SNTG1: variants seen among roughly 807,000 people sequenced by gnomAD.
The protein encoded by SNTG1 is syntrophin gamma 1.
Under a neutral mutation model 74.7 loss-of-function variants are expected in SNTG1, and 39 were observed. The ratio of observed to expected loss-of-function variants is 0.52; its 90% CI spans 0.40 to 0.68. SNTG1 has a LOEUF of 0.68. Ranked by LOEUF, SNTG1 falls within the 30% of genes least tolerant of loss-of-function variation. The pLI, the probability that SNTG1 is intolerant of heterozygous loss-of-function variation, is 0.00. For missense variants in SNTG1, 685 were observed against 609.5 expected (o/e 1.12, Z -1.30); for synonymous variants, 254 against 217.1 (o/e 1.17, Z -1.49).
chr8:50,513,802 A>G (rs1226427154), intron 9 of SNTG1, among the ~76,000 whole-genome samples: 1 of 152,192 alleles, frequency 6.6e-6, no homozygotes, highest in East Asian at 1.9e-4. Flanking sequence ...AATTTTCCAG[A>G]TGCTATCTGT....
At chr8:50,252,473 GA>G (rs997067057) in intron 2 of SNTG1, among the ~76,000 whole-genome samples, 6 of 150,112 alleles carry the variant, frequency 4.0e-5, no homozygotes, top group East Asian at 1.9e-4. Context: ...GATTAACTGA[GA>G]AAAAAAGAGA....
chr8:49,938,558 T>TTTTC (rs1808309760), intron 1 of SNTG1, among the ~76,000 whole-genome samples: 1 of 24,730 alleles, frequency 4.0e-5, no homozygotes, highest in Admixed American at 5.1e-4. Context: ...TTTTCTTTTG[T>TTTTC]TTTCTTTTCT....
intron 1 of SNTG1, among the ~76,000 whole-genome samples, chr8:49,990,901 T>C (rs752352919): frequency 6.6e-6 from 1 of 152,130 alleles, no homozygotes; most frequent in East Asian, 1.9e-4. Context: ...TTCTTAGATA[T>C]GGCCAATAAG....
At chr8:50,650,388 G>A (rs549144560) in intron 13 of SNTG1, among the ~76,000 whole-genome samples, 27 of 151,986 alleles carry the variant, frequency 1.8e-4, no homozygotes, top group South Asian at 1.7e-3. Context: ...AAATATTCTT[G>A]TCAGGTGCTG....
At chr8:50,250,034 C>T (rs1323761783) in intron 2 of SNTG1, among the ~76,000 whole-genome samples, 4 of 150,416 alleles carry the variant, frequency 2.7e-5, no homozygotes, top group Non-Finnish European at 5.9e-5. Context: ...CAAGAAAACT[C>T]AGGGAGATAT....
chr8:50,103,259 T>C (rs2080221028), intron 1 of SNTG1, among the ~76,000 whole-genome samples: 1 of 152,232 alleles, frequency 6.6e-6, no homozygotes, highest in South Asian at 2.1e-4. Context: ...GTAGTTCTTC[T>C]TGAAGAGGTC....
In SNTG1 at chr8:50,342,747, A is replaced by C. The variant is rs189164613; in HGVS notation, c.-27-51465A>C. ...ATAAGTTAAAAATAACTTTGCAAGAAAAAAAGGATCACCATAGTAGTATTT... is the reference window on the plus strand; with the variant it reads ...ATAAGTTAAAAATAACTTTGCAAGACAAAAAGGATCACCATAGTAGTATTT... On this transcript the variant is annotated intron_variant, in intron 2 of 18. Transcript: ENST00000642720. Among the ~76,000 whole-genome samples the C allele has an allele frequency of 5.9e-4, 90 of 152,286 alleles. 1 individual carries two copies. The highest frequency in any genetic ancestry group is 5.9e-5 in the Non-Finnish European group (4 of 68,006).
At chr8:50,565,980 A>G (rs1475042506) in intron 12 of SNTG1, among the ~76,000 whole-genome samples, 2 of 151,986 alleles carry the variant, frequency 1.3e-5, no homozygotes, top group East Asian at 3.9e-4. Context: ...TTTTTACGGA[A>G]ATTTTCACTT....
chr8:50,755,352 A>C (rs1019684476), intron 18 of SNTG1, among the ~76,000 whole-genome samples: 2 of 151,596 alleles, frequency 1.3e-5, no homozygotes, highest in African/African-American at 4.8e-5. Context: ...GTTGGATCAT[A>C]CAATAGTTAC....
intron 4 of SNTG1, among the ~76,000 whole-genome samples, chr8:50,420,263 A>C (rs2093065822): frequency 6.6e-6 from 1 of 152,198 alleles, no homozygotes; most frequent in South Asian, 2.1e-4. Flanking sequence ...GACAAAGAAG[A>C]ATACTTCAAA....
intron 1 of SNTG1, among the ~76,000 whole-genome samples, chr8:50,064,464 T>C (rs1467998835): frequency 6.6e-6 from 1 of 152,182 alleles, no homozygotes; most frequent in East Asian, 1.9e-4. Flanking sequence ...CCTAATGAAC[T>C]TTCCCGTTTG....
intron 1 of SNTG1, among the ~76,000 whole-genome samples, chr8:49,935,424 C>T (rs924225449): frequency 2.1e-4 from 29 of 139,794 alleles, no homozygotes; most frequent in Non-Finnish European, 3.8e-4. Context: ...CAAGCACAGG[C>T]CTTCAATGAC....
At chr8:50,275,708 C>T (rs1049739264) in intron 2 of SNTG1, among the ~76,000 whole-genome samples, 2 of 152,182 alleles carry the variant, frequency 1.3e-5, no homozygotes, top group African/African-American at 4.8e-5. Context: ...AGCTTCACCA[C>T]ATTCAGCCCC....
At chr8:50,286,574 G>C (rs909160213) in intron 2 of SNTG1, 4 of 152,176 alleles carry the variant, frequency 2.6e-5, no homozygotes, top group African/African-American at 9.7e-5. Flanking sequence ...TACCTGTGTG[G>C]CTTCACCATT....
intron 1 of SNTG1, among the ~76,000 whole-genome samples, chr8:49,985,327 C>T (rs1474698009): frequency 1.3e-5 from 2 of 152,070 alleles, no homozygotes; most frequent in Admixed American, 1.3e-4. Context: ...GATGGAGTTT[C>T]ACCGTGTTGG....
Position 50,488,703 on chromosome 8 carries a change from G to A in SNTG1, c.364-14075G>A, listed in dbSNP as rs1038482215. On this transcript the variant is annotated intron_variant, in intron 8 of 18. Coordinates refer to ENST00000642720, the MANE Select transcript of SNTG1 (RefSeq NM_018967.5). Reference sequence around the variant, plus strand: ...ACAGCAAGCCATGTTATTGACAGACGGGTTCCAAGAGCCCAGCATGACACT... The same window carrying A: ...ACAGCAAGCCATGTTATTGACAGACAGGTTCCAAGAGCCCAGCATGACACT... 3.9e-5 allele frequency among the ~76,000 whole-genome samples: 6 copies of A among 152,012 alleles called. No homozygotes were observed. The East Asian group carries it at 5.8e-4, about 15-fold the overall frequency.
intron 12 of SNTG1, among the ~76,000 whole-genome samples, chr8:50,581,725 A>G (rs149955613): frequency 1.3e-5 from 2 of 152,286 alleles, no homozygotes; most frequent in Admixed American, 6.5e-5. Context: ...TATTGGCACA[A>G]TGGGAAGGGA....
intron 9 of SNTG1, among the ~76,000 whole-genome samples, chr8:50,509,505 G>A (rs369224652): frequency 1.3e-5 from 2 of 152,088 alleles, no homozygotes; most frequent in Admixed American, 6.6e-5. Context: ...ATTACCTTGG[G>A]CAGTATGGCC....
At chr8:50,759,128 A>G (rs938826646) in intron 18 of SNTG1, among the ~76,000 whole-genome samples, 4 of 151,992 alleles carry the variant, frequency 2.6e-5, no homozygotes, top group Non-Finnish European at 5.9e-5. Flanking sequence ...TTGTCTGTTC[A>G]TATAGTTTGC....
Sources: gnomAD v4.1 joint callset for allele counts (sites outside exome capture counted in the v4.1 genomes callset) on GRCh38, gnomAD v4.1.1 for gene constraint, MANE v1.5 for transcripts, NCBI Gene and HGNC (gene_info 2026-07-23, HGNC 2026-07-21) for gene names.